The following FHOD3 variants were observed in gnomAD, a reference collection of about 807,000 sequenced individuals.
FHOD3 encodes FH1/FH2 domain-containing protein 3.
FHOD3 carries 90 observed loss-of-function variants against 173.0 expected under a neutral mutation model. That is an observed-to-expected ratio of 0.52 (90% CI 0.44 to 0.62). The LOEUF is 0.62. Ranked by LOEUF, FHOD3 falls within the 20% of genes least tolerant of loss-of-function variation. FHOD3 has a pLI of 0.00. For missense variants in FHOD3, 1,945 were observed against 2,034.7 expected (o/e 0.96, Z 0.85); for synonymous variants, 828 against 823.0 (o/e 1.01, Z -0.10).
At chr18:36,393,612 T>C (rs1598948949) in intron 3 of FHOD3, among the ~76,000 whole-genome samples, 1 of 152,152 alleles carries the variant, frequency 6.6e-6, no homozygotes, top group Non-Finnish European at 1.5e-5. Flanking sequence ...ATTCAGGGTA[T>C]TGGGCTACAC....
chr18:36,761,588 G>A (rs1054246558), intron 27 of FHOD3, among the ~76,000 whole-genome samples: 5 of 152,190 alleles, frequency 3.3e-5, no homozygotes, highest in South Asian at 2.1e-4. Context: ...TAGAGTCCCC[G>A]CTCTTCTCAT....
chr18:36,444,518 G>A (rs1324411019), intron 3 of FHOD3, among the ~76,000 whole-genome samples: 1 of 152,106 alleles, frequency 6.6e-6, no homozygotes, highest in African/African-American at 2.4e-5. Flanking sequence ...CCACTATCCT[G>A]TTCTCATTCC....
At chr18:36,647,375 C>T (rs1331162406) in intron 10 of FHOD3, among the ~76,000 whole-genome samples, 2 of 152,112 alleles carry the variant, frequency 1.3e-5, no homozygotes, top group African/African-American at 4.8e-5. Flanking sequence ...CATTAGTCAT[C>T]AGAGAAAGCA....
intron 5 of FHOD3, among the ~76,000 whole-genome samples, chr18:36,565,189 C>T (rs1190546095): frequency 2.0e-5 from 3 of 152,254 alleles, no homozygotes; most frequent in Admixed American, 2.0e-4. Context: ...CTTTTTAATA[C>T]TTACTGCGGG....
chr18:36,351,785 G>A (rs2046138499), intron 1 of FHOD3, among the ~76,000 whole-genome samples: 1 of 152,182 alleles, frequency 6.6e-6, no homozygotes, highest in South Asian at 2.1e-4. Flanking sequence ...CCAGAAAAGT[G>A]AGATATTTGT....
chr18:36,366,454 T>C (rs909914097), intron 2 of FHOD3, among the ~76,000 whole-genome samples: 7 of 152,226 alleles, frequency 4.6e-5, no homozygotes, highest in Non-Finnish European at 1.0e-4. Flanking sequence ...GCATGTTACT[T>C]GCATTGATTG....
At chr18:36,763,827 C>T (rs192199388) in intron 27 of FHOD3, among the ~76,000 whole-genome samples, 10 of 152,202 alleles carry the variant, frequency 6.6e-5, no homozygotes, top group African/African-American at 2.2e-4. Flanking sequence ...TCTTTTACTA[C>T]AGCCTTGATC....
chr18:36,682,190 C>A (rs1225804165), intron 15 of FHOD3, among the ~76,000 whole-genome samples: 1 of 152,126 alleles, frequency 6.6e-6, no homozygotes, highest in Non-Finnish European at 1.5e-5. Flanking sequence ...TCTCCTTCAG[C>A]CAGTCCACCT....
At chr18:36,771,925 A>G (rs962455556) in intron 28 of FHOD3, among the ~76,000 whole-genome samples, 2 of 152,232 alleles carry the variant, frequency 1.3e-5, no homozygotes, top group Admixed American at 6.5e-5. Context: ...GGCCCAGAGC[A>G]TGTTCTTCTC....
At chr18:36,469,770 G>A (rs967532031) in intron 3 of FHOD3, among the ~76,000 whole-genome samples, 3 of 152,032 alleles carry the variant, frequency 2.0e-5, no homozygotes, top group African/African-American at 7.2e-5. Flanking sequence ...AAGTTGTTCC[G>A]GAGTTGTGGG....
intron 9 of FHOD3, among the ~76,000 whole-genome samples, chr18:36,614,954 G>A (rs1030436548): frequency 2.0e-5 from 3 of 146,822 alleles, no homozygotes; most frequent in Non-Finnish European, 4.4e-5. Context: ...AGGTTCAAGC[G>A]ATTCCCCTGC....
At chr18:36,403,760 G>A (rs1395843641) in intron 3 of FHOD3, among the ~76,000 whole-genome samples, 10 of 152,172 alleles carry the variant, frequency 6.6e-5, no homozygotes, top group African/African-American at 2.4e-4. Context: ...TAACTGTATT[G>A]GGATACCTGA....
chr18:36,387,863 G>T (rs1362476843), intron 3 of FHOD3, among the ~76,000 whole-genome samples: 23 of 151,986 alleles, frequency 1.5e-4, no homozygotes, highest in Admixed American at 1.5e-3. Context: ...ACTCCTGCTT[G>T]CCAGTGAGAC....
Position 36,397,734 on chromosome 18 carries a change from G to A in FHOD3, c.337+24990G>A, listed in dbSNP as rs572542118. 5.2e-4 allele frequency among the ~76,000 whole-genome samples: 79 copies of A among 152,284 alleles called. No individual in the cohort carries two copies. The Middle Eastern group carries it at 0.017, about 33-fold the overall frequency. ...CCAAAACAATAGGAAATGCCTTCAA[G>A]AGAGAAGTGCCCTTTCCTATCATGT... On this transcript the variant is annotated intron_variant, in intron 3 of 28. Transcript: ENST00000590592.
intron 28 of FHOD3, among the ~76,000 whole-genome samples, chr18:36,771,324 C>G (rs2043370008): frequency 6.6e-6 from 1 of 152,238 alleles, no homozygotes; most frequent in South Asian, 2.1e-4. Context: ...CTAATCCACA[C>G]TCACACTCCA....
intron 24 of FHOD3, among the ~76,000 whole-genome samples, chr18:36,748,031 T>C (rs939805499): frequency 6.6e-6 from 1 of 152,206 alleles, no homozygotes; most frequent in Admixed American, 6.5e-5. Flanking sequence ...TGTCAGTTTC[T>C]GCTTTGATAT....
intron 19 of FHOD3, among the ~76,000 whole-genome samples, chr18:36,727,696 A>T (rs927321686): frequency 6.6e-6 from 1 of 152,100 alleles, no homozygotes; most frequent in Non-Finnish European, 1.5e-5. Flanking sequence ...TCTACTGAGA[A>T]TGGGGCCAAG....
At chr18:36,571,706 C>A (rs1215430502) in intron 5 of FHOD3, among the ~76,000 whole-genome samples, 4 of 152,106 alleles carry the variant, frequency 2.6e-5, no homozygotes, top group African/African-American at 7.2e-5. Context: ...CGTACAAACA[C>A]AACCAGTTGA....
At chr18:36,714,030 A>G (rs1215673196) in intron 18 of FHOD3, among the ~76,000 whole-genome samples, 2 of 135,434 alleles carry the variant, frequency 1.5e-5, no homozygotes, top group African/African-American at 5.1e-5. Flanking sequence ...TGGGGGAAAA[A>G]GTCTGTAGGA....
Sources: gnomAD v4.1 joint callset for allele counts (sites outside exome capture counted in the v4.1 genomes callset) on GRCh38, gnomAD v4.1.1 for gene constraint, MANE v1.5 for transcripts, NCBI Gene and HGNC (gene_info 2026-07-23, HGNC 2026-07-21) for gene names.